CIITA: variants seen among roughly 807,000 people sequenced by gnomAD.
The protein encoded by CIITA is class II major histocompatibility complex transactivator, also known as MHC class II transactivator.
In CIITA, 72 loss-of-function variants were observed where a neutral mutation model predicts 115.1. The observed-to-expected ratio is 0.63, with a 90% confidence interval of 0.52 to 0.76. CIITA has a LOEUF of 0.76. CIITA is among the 30% of genes least tolerant of loss of function. The pLI, the probability that CIITA is intolerant of heterozygous loss-of-function variation, is 0.00. For missense variants in CIITA, 1,617 were observed against 1,463.8 expected (o/e 1.10, Z -1.71); for synonymous variants, 763 against 635.6 (o/e 1.20, Z -3.02).
intron 1 of CIITA, among the ~76,000 whole-genome samples, chr16:10,893,829 AAAAAAG>A (rs2037844581): frequency 6.7e-6 from 1 of 149,466 alleles, no homozygotes; most frequent in East Asian, 1.9e-4. Flanking sequence ...AAAAAAAAAA[AAAAAAG>A]TAGAGTTCAG....
At chr16:10,895,101 T>C (rs12926303) in intron 1 of CIITA, among the ~76,000 whole-genome samples, 181 bp from the exon 2 acceptor site, 13,459 of 152,208 alleles carry the variant, frequency 0.088, 806 homozygotes, top group Non-Finnish European at 0.14. Flanking sequence ...TGTAAGTTCC[T>C]TGGAGGAAGG....
At position 10,907,305 on chromosome 16, in the gene CIITA, C is replaced by T. The variant is rs751338865; in HGVS notation, c.1813C>T (p.Leu605Phe). The T allele has an allele frequency of 1.9e-6, 3 of 1,613,568 alleles. No homozygotes were observed. The highest frequency in any genetic ancestry group is 4.5e-5 in the East Asian group (2 of 44,894). ...LTLLRDRPLL[L>F]SHSHSPTLCR... ...GCTCCTCCGGGACCGGCCACTTCTT[C>T]TCAGTCACAGCCACAGCCCTACTTT... The change falls in exon 11 of 20, where the codon CTC becomes TTC. Residue 605 changes from leucine to phenylalanine, a missense_variant. By Grantham distance (22) the Leu-to-Phe change is conservative. Coordinates refer to ENST00000324288, the MANE Select transcript of CIITA (RefSeq NM_000246.4). This position sits in a 1 kb window ranked among gnomAD's most constrained non-coding sequence, Gnocchi z 5.0.
At chr16:10,874,950 ACTT>A (rs1450335124), upstream of CIITA, among the ~76,000 whole-genome samples, 1 of 151,818 alleles carries the variant, frequency 6.6e-6, no homozygotes, top group African/African-American at 2.4e-5. Context: ...GGATAATGAG[ACTT>A]CTTAGAATTT....
chr16:10,884,880 C>G (rs2036776924), intron 1 of CIITA, among the ~76,000 whole-genome samples: 2 of 151,968 alleles, frequency 1.3e-5, no homozygotes, highest in African/African-American at 4.8e-5. Context: ...TAGAAAAAGA[C>G]CCTACTGTAC....
chr16:10,922,682 T>A (rs890689581), intron 18 of CIITA, among the ~76,000 whole-genome samples, 192 bp downstream of exon 18: 11 of 152,186 alleles, frequency 7.2e-5, no homozygotes, highest in African/African-American at 2.7e-4. Flanking sequence ...CCAAGAGGTT[T>A]TGTGAGGCTT....
intron 1 of CIITA, among the ~76,000 whole-genome samples, chr16:10,866,798 G>A (rs1485969558): frequency 6.6e-6 from 1 of 152,214 alleles, no homozygotes; most frequent in African/African-American, 2.4e-5. Flanking sequence ...CATCCCAGGG[G>A]CACGCAGCCA....
chr16:10,876,827 C>A (rs1223778916), upstream of CIITA, among the ~76,000 whole-genome samples: 1 of 152,194 alleles, frequency 6.6e-6, no homozygotes, highest in East Asian at 1.9e-4. Context: ...AGCAGAGGCT[C>A]TCAGCTTGTC....
At chr16:10,871,874 T>C (rs745704544) in intron 1 of CIITA, among the ~76,000 whole-genome samples, 6 of 152,174 alleles carry the variant, frequency 3.9e-5, no homozygotes, top group Admixed American at 1.3e-4. Flanking sequence ...GAAGCTGGCA[T>C]TTCCCCATGG....
At chr16:10,900,069 A>G (rs1452667727) in intron 5 of CIITA, among the ~76,000 whole-genome samples, 1 of 152,114 alleles carries the variant, frequency 6.6e-6, no homozygotes, top group East Asian at 1.9e-4. Flanking sequence ...TGGCAGAGTA[A>G]GACTCTGTCT....
chr16:10,919,284 C>T (rs1251452982), intron 16 of CIITA, among the ~76,000 whole-genome samples: 2 of 338 alleles, frequency 5.9e-3, no homozygotes, highest in Non-Finnish European at 0.071. Context: ...ACTTCTGCCC[C>T]CCCCCAGGTT....
intron 1 of CIITA, among the ~76,000 whole-genome samples, chr16:10,881,309 G>A (rs1276249760): frequency 6.6e-6 from 1 of 151,852 alleles, no homozygotes; most frequent in African/African-American, 2.4e-5. Flanking sequence ...AAAAAAAAAA[G>A]AGAGAGAAAA....
intron 15 of CIITA, among the ~76,000 whole-genome samples, chr16:10,918,186 C>T (rs140910137): frequency 7.9e-5 from 12 of 152,338 alleles, no homozygotes; most frequent in African/African-American, 2.9e-4. Flanking sequence ...AAAAGTGGCG[C>T]AGAGGGAAAA....
In CIITA at chr16:10,906,698, G is replaced by A. The variant is rs2144700024; in HGVS notation, c.1206G>A (p.Leu402=). ...AAGGAGGCCTGGCTGAGGTGCTGTT[G>A]GCTGCCAAGGAGCACCGGCGGCCGC... ...LAQGGLAEVL[L]AAKEHRRPRE... Residue 402 remains leucine, a synonymous_variant, in exon 11 of 20, where the codon TTG becomes TTA. Transcript: ENST00000324288. 1.2e-6 allele frequency: 2 copies of A among 1,612,748 alleles called. No individual in the cohort carries two copies. The highest frequency in any genetic ancestry group is 3.3e-5 in the Admixed American group (2 of 60,018).
In CIITA at chr16:10,916,398, G is replaced by A. The variant is rs768832040; in HGVS notation, c.3001G>A (p.Asp1001Asn). Reference sequence around the variant, plus strand: ...TGCGCTGAGTGAGAACAAGATCGGGGACGAGGGTGTCTCGCAGCTCTCAGC... The same window carrying A: ...TGCGCTGAGTGAGAACAAGATCGGGAACGAGGGTGTCTCGCAGCTCTCAGC... ...LDALSENKIG[D>N]EGVSQLSATF... Residue 1001 changes from aspartate to asparagine, a missense_variant, in exon 15 of 20, where the codon GAC becomes AAC. Coordinates refer to ENST00000324288, the MANE Select transcript of CIITA (RefSeq NM_000246.4). 10 of 1,613,836 alleles carry A rather than the reference G, an allele frequency of 6.2e-6. No individual in the cohort carries two copies. The highest frequency in any genetic ancestry group is 8.5e-6 in the Non-Finnish European group (10 of 1,179,930).
At chr16:10,915,835 C>G (rs1259297081) in intron 14 of CIITA, among the ~76,000 whole-genome samples, 185 bp downstream of exon 14, 1 of 152,204 alleles carries the variant, frequency 6.6e-6, no homozygotes, top group Non-Finnish European at 1.5e-5. Flanking sequence ...CCAAATCCTG[C>G]CCCCAAGGCA....
At chr16:10,913,966 T>TAAATAAATAAATAAATAAATAAAA (rs746599484) in intron 13 of CIITA, among the ~76,000 whole-genome samples, 2 of 77,362 alleles carry the variant, frequency 2.6e-5, no homozygotes, top group Non-Finnish European at 6.2e-5. Flanking sequence ...AATAAATAAA[T>TAAATAAATAAATAAATAAATAAAA]AGAACTCCAT....
At position 10,924,730 on chromosome 16, in the gene CIITA, CCAGATGCACCAGCCCTTAG is replaced by C. The variant is rs2040460677; in HGVS notation, c.*879_*897del. ...TGGCCAAAGCCAAAGCTAGGCCTGG[CCAGATGCACCAGCCCTTAG>C]CAGGGAAACAGCTAATGGGACACTA... is the stretch of plus-strand genomic sequence containing the variant. On this transcript the variant is annotated 3_prime_UTR_variant, in exon 20 of 20. Transcript: ENST00000324288. The C allele has an allele frequency of 6.6e-6, 1 of 152,246 alleles. No homozygotes were observed. The highest frequency in any genetic ancestry group is 1.5e-5 in the Non-Finnish European group (1 of 68,056). The allele number at this position is 152,246 out of a possible 1,614,324, so 9.4% of individuals were successfully genotyped here.
At chr16:10,871,756 G>C (rs1372185294) in intron 1 of CIITA, among the ~76,000 whole-genome samples, 1 of 152,168 alleles carries the variant, frequency 6.6e-6, no homozygotes, top group Non-Finnish European at 1.5e-5. Flanking sequence ...AGTCTCCTTT[G>C]CCTCAGGGAG....
In CIITA at chr16:10,907,266, G is replaced by A; in HGVS notation, c.1774G>A (p.Asp592Asn). The change falls in exon 11 of 20, where the codon GAC (aspartate) becomes AAC (asparagine). Residue 592 changes from aspartate to asparagine, a missense_variant. By Grantham distance (23) the Asp-to-Asn change is conservative. Transcript: ENST00000324288. This position sits in a 1 kb window ranked among gnomAD's most constrained non-coding sequence, Gnocchi z 5.0. ...FESSGMTEHQ[D>N]RALTLLRDRP... is the part of the protein sequence containing the mutation. ...GAGCTCAGGGATGACAGAGCACCAA[G>A]ACAGAGCCCTGACGCTCCTCCGGGA... is the stretch of plus-strand genomic sequence containing the variant. 4 of 1,613,506 alleles carry A rather than the reference G, an allele frequency of 2.5e-6. No homozygotes were observed. Among genetic ancestry groups the A allele is most frequent in the Non-Finnish European group, 8.5e-7 (1 of 1,179,996 alleles).
Sources: gnomAD v4.1 joint callset for allele counts (sites outside exome capture counted in the v4.1 genomes callset) on GRCh38, gnomAD v4.1.1 for gene constraint, Gnocchi (gnomAD v3.1) non-coding constraint, MANE v1.5 for transcripts, NCBI Gene and HGNC (gene_info 2026-07-23, HGNC 2026-07-21) for gene names.